FRK: variants seen among roughly 807,000 people sequenced by gnomAD.
The protein encoded by FRK is fyn related Src family tyrosine kinase.
A neutral mutation model predicts 56.4 loss-of-function variants in FRK; 51 were observed. The ratio of observed to expected loss-of-function variants is 0.90; its 90% CI spans 0.72 to 1.14. The LOEUF is 1.14. Among genes scored for constraint, FRK ranks in the 50% most tolerant of loss-of-function variants. The pLI is 0.00. For missense variants in FRK, 570 were observed against 601.4 expected (o/e 0.95, Z 0.55); for synonymous variants, 245 against 217.9 (o/e 1.12, Z -1.10).
chr6:116,051,077 T>C (rs1033429399), intron 1 of FRK, among the ~76,000 whole-genome samples: 12 of 152,174 alleles, frequency 7.9e-5, no homozygotes, highest in Non-Finnish European at 1.6e-4. Context: ...AACCTTAAAG[T>C]GGGATCTTCT....
chr6:116,066,373 A>C, the FRK span, among the ~76,000 whole-genome samples: 1 of 151,976 alleles, frequency 6.6e-6, no homozygotes, highest in East Asian at 1.9e-4. Context: ...CAGGCAGCCT[A>C]TTGTGGGAAC....
intron 1 of FRK, among the ~76,000 whole-genome samples, chr6:116,042,775 A>G (rs1317296791): frequency 6.6e-6 from 1 of 152,156 alleles, no homozygotes; most frequent in East Asian, 1.9e-4. Context: ...GCTGCAACTA[A>G]AAGACACAGA....
upstream of FRK, among the ~76,000 whole-genome samples, chr6:116,064,245 C>T (rs745560395): frequency 5.3e-5 from 8 of 152,170 alleles, no homozygotes; most frequent in Non-Finnish European, 1.0e-4. Flanking sequence ...TCAGGCGATG[C>T]ATGAATATAG....
the FRK span, among the ~76,000 whole-genome samples, chr6:116,075,796 T>C: frequency 6.6e-6 from 1 of 152,158 alleles, no homozygotes. Flanking sequence ...CCCTACACTT[T>C]ACAGGTGCTC....
intron 1 of FRK, among the ~76,000 whole-genome samples, chr6:116,029,043 C>T (rs1434359061): frequency 6.6e-6 from 1 of 152,092 alleles, no homozygotes; most frequent in Non-Finnish European, 1.5e-5. Flanking sequence ...CACCAAGCTC[C>T]TCCATGTTCC....
intron 1 of FRK, among the ~76,000 whole-genome samples, chr6:116,010,594 A>G (rs1775427368): frequency 6.6e-6 from 1 of 152,226 alleles, no homozygotes; most frequent in Non-Finnish European, 1.5e-5. Flanking sequence ...CTAAAGGACA[A>G]TATGTCCTGC....
At chr6:116,040,012 T>C (rs919930143) in intron 1 of FRK, among the ~76,000 whole-genome samples, 2 of 151,628 alleles carry the variant, frequency 1.3e-5, no homozygotes, top group Non-Finnish European at 2.9e-5. Flanking sequence ...ATTCATGAAC[T>C]GTTTCAAGCC....
chr6:116,041,363 C>G (rs1461524992), intron 1 of FRK, among the ~76,000 whole-genome samples: 1 of 152,150 alleles, frequency 6.6e-6, no homozygotes. Context: ...CTTCTTAATT[C>G]ATTCCCTATC....
intron 5 of FRK, among the ~76,000 whole-genome samples, chr6:115,948,354 C>T (rs1377062079): frequency 6.6e-6 from 1 of 152,136 alleles, no homozygotes; most frequent in Non-Finnish European, 1.5e-5. Context: ...GGGTACTTGC[C>T]AACACCCTGA....
intron 1 of FRK, among the ~76,000 whole-genome samples, chr6:116,025,024 G>A (rs539566844): frequency 3.9e-5 from 6 of 152,230 alleles, no homozygotes; most frequent in Non-Finnish European, 5.9e-5. Context: ...CAGTGATGGT[G>A]AGCATTTTTT....
At chr6:116,034,010 C>T (rs186140470) in intron 1 of FRK, among the ~76,000 whole-genome samples, 7 of 152,184 alleles carry the variant, frequency 4.6e-5, no homozygotes, top group South Asian at 2.1e-4. Flanking sequence ...GAAATCAGAA[C>T]GATTCCAAGG....
the FRK span, among the ~76,000 whole-genome samples, chr6:116,085,796 T>C: frequency 6.6e-6 from 1 of 152,146 alleles, no homozygotes. Flanking sequence ...GGAGATTCTG[T>C]AGCACTTTTG....
intron 1 of FRK, among the ~76,000 whole-genome samples, chr6:116,050,650 C>G (rs1777146864): frequency 6.6e-6 from 1 of 152,158 alleles, no homozygotes; most frequent in South Asian, 2.1e-4. Context: ...TCACAACATT[C>G]TTGGTTTACT....
At chr6:116,065,483 T>A (rs1777744218), upstream of FRK, among the ~76,000 whole-genome samples, 1 of 152,226 alleles carries the variant, frequency 6.6e-6, no homozygotes, top group African/African-American at 2.4e-5. Context: ...CCTGTTGACC[T>A]TTGCTCAATC....
chr6:116,080,379 C>T, the FRK span, among the ~76,000 whole-genome samples: 1 of 152,174 alleles, frequency 6.6e-6, no homozygotes, highest in African/African-American at 2.4e-5. Flanking sequence ...TGGTCTCAAT[C>T]TCCTGACCTC....
chr6:115,968,812 A>AT (rs1773693686), intron 2 of FRK, 73 bp from the exon 3 acceptor site: 6 of 1,212,286 alleles, frequency 4.9e-6, no homozygotes, highest in African/African-American at 1.5e-5. Context: ...TTGTGGTGAC[A>AT]TTTTCAATGC....
In FRK at chr6:115,942,350, T is replaced by C; in HGVS notation, c.*64A>G. 7.6e-7 allele frequency: 1 copy of C among 1,315,520 alleles called. No homozygotes were observed. The highest frequency in any genetic ancestry group is 1.1e-6 in the Non-Finnish European group (1 of 918,644). The allele number at this position is 1,315,520 out of a possible 1,614,324, so 81.5% of individuals were successfully genotyped here. A position where few individuals can be genotyped will look rare whatever the true frequency, so the allele number is the denominator to read the frequency against. ...ATTGTGCAGTTGGTTGATAACATTGTATTTTGGAATGGATTATTTGAATTT... is the reference window on the plus strand; with the variant it reads ...ATTGTGCAGTTGGTTGATAACATTGCATTTTGGAATGGATTATTTGAATTT... On this transcript the variant is annotated 3_prime_UTR_variant, in exon 8 of 8. Coordinates refer to ENST00000606080, the MANE Select transcript of FRK (RefSeq NM_002031.3).
chr6:116,094,076 C>G, the FRK span, among the ~76,000 whole-genome samples: 1 of 152,174 alleles, frequency 6.6e-6, no homozygotes, highest in African/African-American at 2.4e-5. Flanking sequence ...GAAAATGAAG[C>G]AGGCCAGTCA....
chr6:115,973,245 G>T (rs138878823), intron 2 of FRK, among the ~76,000 whole-genome samples: 36 of 152,210 alleles, frequency 2.4e-4, no homozygotes, highest in African/African-American at 7.2e-4. Flanking sequence ...TCAGGATATA[G>T]AGCTTAGCTC....
Sources: gnomAD v4.1 joint callset for allele counts (sites outside exome capture counted in the v4.1 genomes callset) on GRCh38, gnomAD v4.1.1 for gene constraint, MANE v1.5 for transcripts, NCBI Gene and HGNC (gene_info 2026-07-23, HGNC 2026-07-21) for gene names.